GREM2: variants seen among roughly 807,000 people sequenced by gnomAD.
GREM2 encodes the protein gremlin-2.
A neutral mutation model predicts 14.2 loss-of-function variants in GREM2; 11 were observed. The observed-to-expected ratio is 0.78, with a 90% CI of 0.49 to 1.28. The LOEUF (loss-of-function observed/expected upper bound fraction) is 1.28. GREM2 is among the 50% of genes most tolerant of loss of function. The pLI is 0.00. For synonymous variants in GREM2, 98 were observed against 97.6 expected (o/e 1.00, Z -0.02); for missense variants, 210 against 218.5 (o/e 0.96, Z 0.24).
intron 1 of GREM2, among the ~76,000 whole-genome samples, chr1:240,544,304 C>T (rs1258876985): frequency 2.6e-5 from 4 of 152,106 alleles, no homozygotes; most frequent in Non-Finnish European, 4.4e-5. Flanking sequence ...CCTGCCACCA[C>T]GCCTGGCTAA....
chr1:240,531,758 G>C (rs1678368282), intron 1 of GREM2: 1 of 839,232 alleles, frequency 1.2e-6, no homozygotes, highest in South Asian at 5.4e-5. Flanking sequence ...GCCCAGACTG[G>C]AGAGCAATGG....
chr1:240,552,073 C>T (rs1460057792), intron 1 of GREM2, among the ~76,000 whole-genome samples: 1 of 152,162 alleles, frequency 6.6e-6, no homozygotes, highest in Non-Finnish European at 1.5e-5. Context: ...TACTGGATGA[C>T]CTTCCATAGA....
chr1:240,574,541 A>C (rs907218756), intron 1 of GREM2, among the ~76,000 whole-genome samples: 4 of 152,186 alleles, frequency 2.6e-5, no homozygotes, highest in Non-Finnish European at 4.4e-5. Flanking sequence ...AAATGTTTGC[A>C]GAAAAGAAGA....
chr1:240,554,781 T>C (rs2103342358), intron 1 of GREM2, among the ~76,000 whole-genome samples: 1 of 152,368 alleles, frequency 6.6e-6, no homozygotes, highest in East Asian at 1.9e-4. Flanking sequence ...GGAATTTCAG[T>C]TGGCATTTCT....
chr1:240,562,192 G>A (rs1364115233), intron 1 of GREM2, among the ~76,000 whole-genome samples: 2 of 152,190 alleles, frequency 1.3e-5, no homozygotes, highest in East Asian at 3.9e-4. Context: ...TTGGAGGGCA[G>A]ATGATGCAAT....
At position 240,605,847 on chromosome 1, in the gene GREM2, G is replaced by T. The variant is rs1447199573; in HGVS notation, c.-2+6037C>A. ...TAAATAAATAAATTTTCTTCTACTTGGAAAAACAAAACCTATCAAAATTGT... is the reference window on the plus strand; with the variant it reads ...TAAATAAATAAATTTTCTTCTACTTTGAAAAACAAAACCTATCAAAATTGT... On this transcript the variant is annotated intron_variant, in intron 1 of 1. Coordinates refer to ENST00000318160, the MANE Select transcript of GREM2 (RefSeq NM_022469.4). 2.6e-5 allele frequency among the ~76,000 whole-genome samples: 4 copies of T among 151,502 alleles called. No homozygotes were observed. The East Asian group carries it at 7.8e-4, about 29-fold the overall frequency.
chr1:240,572,081 C>G (rs1040279901), intron 1 of GREM2, among the ~76,000 whole-genome samples: 1 of 152,290 alleles, frequency 6.6e-6, no homozygotes, highest in Non-Finnish European at 1.5e-5. Context: ...TGACACTGAA[C>G]GAATGATAAA....
At chr1:240,497,557 T>A (rs1343135543) in intron 1 of GREM2, among the ~76,000 whole-genome samples, 1 of 150,530 alleles carries the variant, frequency 6.6e-6, no homozygotes, top group Non-Finnish European at 1.5e-5. Context: ...CTCAGGGCGA[T>A]GATATGGGCA....
In GREM2 at chr1:240,490,353, C is replaced by T. The variant is rs768333141; in HGVS notation, c.*2616G>A. On this transcript the variant is annotated 3_prime_UTR_variant, in exon 2 of 2. Coordinates refer to ENST00000318160, the MANE Select transcript of GREM2 (RefSeq NM_022469.4). The stretch of plus-strand genomic sequence containing the variant: ...CTATTTCTCTTAGAAGATTCCAGAC[C>T]CCAAAGGAGATCATGTGACATAAGC... The T allele has an allele frequency of 2.0e-5, 3 of 152,514 alleles. No individual in the cohort carries two copies. The highest frequency in any genetic ancestry group is 4.4e-5 in the Non-Finnish European group (3 of 68,044). The allele number at this position is 152,514 out of a possible 1,614,324, so 9.4% of individuals were successfully genotyped here.
chr1:240,544,282 G>T (rs1678665044), intron 1 of GREM2, among the ~76,000 whole-genome samples: 1 of 151,906 alleles, frequency 6.6e-6, no homozygotes, highest in East Asian at 1.9e-4. Context: ...TTAGTAGCTG[G>T]GACTACAGGC....
At chr1:240,520,539 G>A (rs189748496) in intron 1 of GREM2, among the ~76,000 whole-genome samples, 7 of 152,002 alleles carry the variant, frequency 4.6e-5, no homozygotes, top group Non-Finnish European at 1.0e-4. Context: ...TTCATTAAGT[G>A]CAGAAACTTT....
intron 1 of GREM2, among the ~76,000 whole-genome samples, chr1:240,574,342 C>G (rs975087713): frequency 7.2e-5 from 11 of 152,106 alleles, no homozygotes; most frequent in Non-Finnish European, 1.5e-4. Context: ...GAACTAAGTT[C>G]TTAGAAAAGA....
At chr1:240,601,972 C>A (rs376236421) in intron 1 of GREM2, among the ~76,000 whole-genome samples, 5 of 151,690 alleles carry the variant, frequency 3.3e-5, no homozygotes, top group South Asian at 2.1e-4. Flanking sequence ...ATAGTAAGTG[C>A]TCAATAAATC....
chr1:240,523,684 G>A (rs905803484), intron 1 of GREM2, among the ~76,000 whole-genome samples: 1 of 151,988 alleles, frequency 6.6e-6, no homozygotes, highest in Non-Finnish European at 1.5e-5. Flanking sequence ...ATGTGTGTGT[G>A]TTATTTGCCA....
intron 1 of GREM2, among the ~76,000 whole-genome samples, chr1:240,520,198 G>A (rs1240350512): frequency 3.3e-5 from 5 of 152,090 alleles, no homozygotes; most frequent in Admixed American, 1.3e-4. Flanking sequence ...TGCAATTTTT[G>A]TGTGTATGAG....
intron 1 of GREM2, among the ~76,000 whole-genome samples, chr1:240,579,427 T>C (rs1248642515): frequency 2.0e-5 from 3 of 152,210 alleles, no homozygotes; most frequent in Non-Finnish European, 4.4e-5. Flanking sequence ...TGCTTCTTCA[T>C]CTATTACAAT....
chr1:240,513,400 C>G (rs4412581), intron 1 of GREM2, among the ~76,000 whole-genome samples: 90,616 of 151,750 alleles, frequency 0.6, 28,835 homozygotes, highest in African/African-American at 0.83. Context: ...CAAGGTGAAA[C>G]CCCATCTCTA....
At chr1:240,505,394 G>A (rs973710107) in intron 1 of GREM2, among the ~76,000 whole-genome samples, 2 of 151,980 alleles carry the variant, frequency 1.3e-5, no homozygotes, top group African/African-American at 4.8e-5. Context: ...AATGTCTGCT[G>A]AGCCCTGTCT....
chr1:240,564,343 C>T (rs1216945410), intron 1 of GREM2, among the ~76,000 whole-genome samples: 1 of 151,516 alleles, frequency 6.6e-6, no homozygotes, highest in African/African-American at 2.4e-5. Context: ...CCCATCTCTA[C>T]CAAAAAATAC....
Sources: allele counts gnomAD v4.1 joint callset (sites outside exome capture counted in the v4.1 genomes callset), GRCh38; gene constraint gnomAD v4.1.1; transcripts MANE v1.5; gene names NCBI Gene and HGNC (gene_info 2026-07-23, HGNC 2026-07-21).